ANAPC1: variants seen among roughly 807,000 people sequenced by gnomAD.
The protein encoded by ANAPC1 is anaphase promoting complex subunit 1.
ANAPC1 carries 36 observed loss-of-function variants against 208.0 expected under a neutral mutation model. The ratio of observed to expected loss-of-function variants is 0.17; its 90% CI spans 0.13 to 0.23. ANAPC1 has a LOEUF of 0.23. Ranked by LOEUF, ANAPC1 falls within the 10% of genes least tolerant of loss-of-function variation. The pLI, the probability that ANAPC1 is intolerant of heterozygous loss-of-function variation, is 1.00. For missense variants in ANAPC1, 942 were observed against 2,011.6 expected, an observed-to-expected ratio of 0.47 and a Z score of 10.17; for synonymous variants, 378 against 695.2, an observed-to-expected ratio of 0.54 and a Z score of 7.18.
At chr2:111,837,681 G>A (rs999334361) in intron 18 of ANAPC1, among the ~76,000 whole-genome samples, 1 of 151,682 alleles carries the variant, frequency 6.6e-6, no homozygotes, top group Non-Finnish European at 1.5e-5. Flanking sequence ...TAGGAGTGTA[G>A]GTTACATGAG....
intron 15 of ANAPC1, 133 bp downstream of exon 15, chr2:111,847,592 C>G: frequency 7.9e-7 from 1 of 1,273,352 alleles, no homozygotes; most frequent in Non-Finnish European, 1.0e-6. Flanking sequence ...TAAAATCGTG[C>G]CAAAAAATGA....
rs7596208 is a variant in ANAPC1, at chr2:111,839,911, A to T, written c.2041-1399T>A. Among the ~76,000 whole-genome samples the T allele has an allele frequency of 5.8e-3, 876 of 152,148 alleles. 12 individuals carry two copies. Among genetic ancestry groups the T allele is most frequent in the African/African-American group, 0.02 (844 of 41,516 alleles). ...CTTTCAATGTGTCTCAGGTTAGCCA[A>T]CCCTGTTATATGCTCCTATGGACCC... is the stretch of plus-strand genomic sequence containing the variant. On this transcript the variant is annotated intron_variant, in intron 17 of 47. Coordinates refer to ENST00000341068, the MANE Select transcript of ANAPC1 (RefSeq NM_022662.4).
rs187208725 is a variant in ANAPC1 at position 111,782,370 on chromosome 2, T to C, written c.5201A>G (p.Lys1734Arg). 6.8e-6 allele frequency: 11 copies of C among 1,613,212 alleles called. No homozygotes were observed. In the East Asian group the frequency reaches 2.5e-4, roughly 36 times the overall value. ...ANRNSEARAF[K>R]PETISAFTSD... ...GTTTTTACCAATCAATAATACTACC[T>C]TGAAAGCCCGGGCTTCAGAGTTCCT... Residue 1734 changes from lysine to arginine, a missense_variant and splice_region_variant, in exon 43 of 48, where the codon AAG (lysine) becomes AGG (arginine). By Grantham distance (26) the Lys-to-Arg change is conservative. Transcript: ENST00000341068.
rs1682831572 is a variant in ANAPC1, at chr2:111,872,927, A to G, written c.529-215T>C. The G allele has an allele frequency of 1.1e-5, 6 of 550,552 alleles. No individual in the cohort carries two copies. In the East Asian group the frequency reaches 1.9e-4, roughly 17 times the overall value. The allele number at this position is 550,552 out of a possible 1,614,324, so 34.1% of individuals were successfully genotyped here. A position where few individuals can be genotyped will look rare whatever the true frequency, so the allele number is the denominator to read the frequency against. On this transcript the variant is annotated intron_variant, in intron 5 of 47. Coordinates refer to ENST00000341068, the MANE Select transcript of ANAPC1 (RefSeq NM_022662.4). ...AATAAAGAGGAGTTGTTCAATGTGA[A>G]ATTCCTGCCACTGGCCAGGATCAGT...
At chr2:111,869,854 C>T (rs895500073) in intron 6 of ANAPC1, among the ~76,000 whole-genome samples, 6 of 152,094 alleles carry the variant, frequency 3.9e-5, no homozygotes, top group African/African-American at 1.4e-4. Flanking sequence ...TTTGTTTATC[C>T]CACACCTTCT....
Position 111,792,370 on chromosome 2 carries a change from TC to T in ANAPC1, c.4703del (p.Gly1568GlufsTer7), listed in dbSNP as rs1677922495. On this transcript the variant is annotated frameshift_variant, in exon 38 of 48. Transcript: ENST00000341068. LOFTEE classifies it high-confidence loss of function. Reference sequence around the variant, plus strand: ...AATACATATTCACTTACCTTCCTCCTCCCAAAAATAGAAGTCCAAGGGCCAT... The same window carrying T: ...AATACATATTCACTTACCTTCCTCCTCCAAAAATAGAAGTCCAAGGGCCAT... ...HHMALGLLFL[G>X]GGRYSLSTSN... is the part of the protein sequence containing the mutation. 1 of 1,590,144 alleles carries T rather than the reference TC, an allele frequency of 6.3e-7. No homozygotes were observed. Among genetic ancestry groups the T allele is most frequent in the African/African-American group, 1.4e-5 (1 of 73,458 alleles).
chr2:111,801,777 A>G (rs1164366634), intron 33 of ANAPC1, among the ~76,000 whole-genome samples: 2 of 149,374 alleles, frequency 1.3e-5, no homozygotes, highest in East Asian at 2.0e-4. Context: ...GAATATCACC[A>G]AAGTTTAGAG....
intron 6 of ANAPC1, 106 bp downstream of exon 6, chr2:111,872,524 G>A (rs548683304): frequency 1.1e-6 from 1 of 940,952 alleles, no homozygotes; most frequent in Admixed American, 2.2e-5. Context: ...TATCTATGCT[G>A]TCAACATGAA....
At chr2:111,777,953 T>C (rs1162403667) in intron 45 of ANAPC1, among the ~76,000 whole-genome samples, 3 of 152,292 alleles carry the variant, frequency 2.0e-5, no homozygotes, top group Non-Finnish European at 4.4e-5. Flanking sequence ...CCAGAAATTC[T>C]GATTCAATAG....
At chr2:111,835,429 T>C (rs964200674) in intron 18 of ANAPC1, among the ~76,000 whole-genome samples, 16 of 152,256 alleles carry the variant, frequency 1.1e-4, no homozygotes, top group African/African-American at 3.9e-4. Context: ...GTTCAGAGAA[T>C]GTGGTTTATG....
chr2:111,768,181 C>T lies in ANAPC1; in HGVS notation c.*1110G>A, dbSNP rs1676533559. ...ATCTGAACAGCAGGGAGCATTCTTC[C>T]TCCTGTGTTGGCAACTCGAAGCTGG... On this transcript the variant is annotated 3_prime_UTR_variant, in exon 48 of 48. Coordinates refer to ENST00000341068, the MANE Select transcript of ANAPC1 (RefSeq NM_022662.4). The T allele has an allele frequency of 6.6e-6, 1 of 152,220 alleles. No individual in the cohort carries two copies. The highest frequency in any genetic ancestry group is 2.4e-5 in the African/African-American group (1 of 41,444). The allele number at this position is 152,220 out of a possible 1,614,324, so 9.4% of individuals were successfully genotyped here.
chr2:111,832,279 G>A (rs1390530408), intron 20 of ANAPC1, among the ~76,000 whole-genome samples: 1 of 149,344 alleles, frequency 6.7e-6, no homozygotes, highest in Non-Finnish European at 1.5e-5. Flanking sequence ...CTCCCGTCTG[G>A]GCGACAGAGT....
At chr2:111,865,465 T>C (rs1347445559) in intron 7 of ANAPC1, among the ~76,000 whole-genome samples, 1 of 152,154 alleles carries the variant, frequency 6.6e-6, no homozygotes, top group Admixed American at 6.5e-5. Flanking sequence ...TAAAGTACCA[T>C]GGACTGGTCT....
chr2:111,860,336 T>C (rs1317009411), intron 10 of ANAPC1, among the ~76,000 whole-genome samples: 13 of 150,596 alleles, frequency 8.6e-5, no homozygotes, highest in Admixed American at 8.6e-4. Flanking sequence ...TGGGGCAAGA[T>C]GTCATGAAAA....
rs139114557 is a variant in ANAPC1 at position 111,847,154 on chromosome 2, A to T, written c.1836T>A (p.Ile612=). The change falls in exon 16 of 48, where the codon ATT becomes ATA. Residue 612 remains isoleucine (I), a synonymous_variant. Coordinates refer to ENST00000341068, the MANE Select transcript of ANAPC1 (RefSeq NM_022662.4). ...GSMVRITIPE[I]ATSELVQTCL... is the part of the protein sequence containing the mutation. ...CAATCGTACCTAACTCAGAGGTGGC[A>T]ATTTCAGGAATAGTGATCCTAACCA... 4.7e-5 allele frequency: 76 copies of T among 1,610,460 alleles called. No individual in the cohort carries two copies. The African/African-American group carries it at 8.0e-4, about 17-fold the overall frequency.
intron 21 of ANAPC1, among the ~76,000 whole-genome samples, chr2:111,830,686 AATGAGGTATAACTACAC>A (rs1680082489): frequency 6.6e-6 from 1 of 152,202 alleles, no homozygotes; most frequent in South Asian, 2.1e-4. Flanking sequence ...TTAAAACCAC[AATGAGGTATAACTACAC>A]ATCTCTCAGA....
chr2:111,878,918 A>G lies in ANAPC1; in HGVS notation c.267T>C (p.Tyr89=). The change falls in exon 3 of 48, where the codon TAT becomes TAC. Residue 89 remains tyrosine (Y), a synonymous_variant. Coordinates refer to ENST00000341068, the MANE Select transcript of ANAPC1 (RefSeq NM_022662.4). ...GVSEIGEDVD[Y]DEELYVAGNM... ...TTCCAGCAACATAGAGTTCCTCATCATAGTCCACATCTTCTCCAATTTCAC... is the reference window on the plus strand; with the variant it reads ...TTCCAGCAACATAGAGTTCCTCATCGTAGTCCACATCTTCTCCAATTTCAC... 1 of 1,595,370 alleles carries G rather than the reference A, an allele frequency of 6.3e-7. No homozygotes were observed. Among genetic ancestry groups the G allele is most frequent in the African/African-American group, 1.4e-5 (1 of 73,940 alleles).
chr2:111,865,861 C>T (rs966251447), intron 7 of ANAPC1: 16 of 224,608 alleles, frequency 7.1e-5, no homozygotes, highest in African/African-American at 2.5e-4. Context: ...GCAGCCTATT[C>T]GTTGCACAAA....
chr2:111,866,750 G>A (rs4848208), intron 7 of ANAPC1, among the ~76,000 whole-genome samples: 86,962 of 141,946 alleles, frequency 0.61, 26,579 homozygotes, highest in South Asian at 0.71. Context: ...AAAATAAAAC[G>A]ACTAAAAACA....
Sources: gnomAD v4.1 joint callset for allele counts (sites outside exome capture counted in the v4.1 genomes callset) on GRCh38, gnomAD v4.1.1 for gene constraint, MANE v1.5 for transcripts, NCBI Gene and HGNC (gene_info 2026-07-23, HGNC 2026-07-21) for gene names.